HTATIP2: variants seen among roughly 807,000 people sequenced by gnomAD.
The protein encoded by HTATIP2 is HIV-1 Tat interactive protein 2, also known as protein HTATIP2.
In HTATIP2, 26 loss-of-function variants were observed where a neutral mutation model predicts 24.7. The ratio of observed to expected loss-of-function variants is 1.05; its 90% CI spans 0.77 to 1.46. HTATIP2 has a LOEUF of 1.46. Among genes scored for constraint, HTATIP2 ranks in the 40% most tolerant of loss-of-function variants. The pLI is 0.00. For missense variants in HTATIP2, 284 were observed against 289.6 expected (o/e 0.98, Z 0.14); for synonymous variants, 99 against 113.2 (o/e 0.87, Z 0.79).
chr11:20,382,415 G>T (rs1265673477), intron 4 of HTATIP2, among the ~76,000 whole-genome samples, 176 bp downstream of exon 4: 1 of 152,200 alleles, frequency 6.6e-6, no homozygotes, highest in African/African-American at 2.4e-5. Context: ...AGGGTAGATG[G>T]TGGGGCCTGC....
At chr11:20,367,696 A>T (rs1320463347) in intron 2 of HTATIP2, 1 of 1,106,990 alleles carries the variant, frequency 9.0e-7, no homozygotes, top group African/African-American at 1.6e-5. Context: ...ACTTATTTTC[A>T]TGTCAAGCTT....
At chr11:20,372,151 G>C (rs2133270035) in intron 2 of HTATIP2, among the ~76,000 whole-genome samples, 1 of 152,246 alleles carries the variant, frequency 6.6e-6, no homozygotes. Context: ...GTCTCACTGT[G>C]TTGCCAAGGC....
At position 20,369,915 on chromosome 11, in the gene HTATIP2, C is replaced by G. The variant is rs79599287; in HGVS notation, c.303+2634C>G. 9.9e-4 allele frequency among the ~76,000 whole-genome samples: 151 copies of G among 152,330 alleles called. 4 individuals are homozygous for G. In the East Asian group the frequency reaches 0.027, roughly 27 times the overall value. On this transcript the variant is annotated intron_variant, in intron 2 of 4. Transcript: ENST00000451739. ...TTCTAGGAAAAGGTCTATTAGCTTTCCTCAGCTGTTTGGAAGACTATTTCC... is the reference window on the plus strand; with the variant it reads ...TTCTAGGAAAAGGTCTATTAGCTTTGCTCAGCTGTTTGGAAGACTATTTCC...
intron 2 of HTATIP2, 151 bp downstream of exon 2, chr11:20,367,432 G>A (rs376742608): frequency 8.5e-6 from 13 of 1,533,462 alleles, no homozygotes; most frequent in African/African-American, 1.4e-5. Context: ...CTAACCTTTG[G>A]TATCCTTTTA....
chr11:20,367,133 T>C (rs760442234), intron 1 of HTATIP2, 41 bp from the exon 2 acceptor site: 20 of 1,606,820 alleles, frequency 1.2e-5, no homozygotes, highest in Non-Finnish European at 1.7e-5. Context: ...GGTCTGTTGT[T>C]TAAATAACAT....
intron 1 of HTATIP2, 85 bp downstream of exon 1, chr11:20,364,517 T>A: frequency 8.4e-7 from 1 of 1,196,510 alleles, no homozygotes; most frequent in South Asian, 1.5e-5. Context: ...AATACTGCCC[T>A]GCCAGTGGTG....
chr11:20,375,910 C>A (rs16906132), intron 2 of HTATIP2: 21,877 of 152,128 alleles, frequency 0.14, 2,897 homozygotes, highest in African/African-American at 0.34. Context: ...CTTTCATTGG[C>A]GTTTTGTTCA....
chr11:20,380,181 T>C (rs1183400534), intron 3 of HTATIP2, among the ~76,000 whole-genome samples: 2 of 152,276 alleles, frequency 1.3e-5, no homozygotes, highest in East Asian at 3.9e-4. Context: ...ATAAACCACA[T>C]TGTTTGTACA....
At position 20,382,212 on chromosome 11, in the gene HTATIP2, T is replaced by G. The variant is rs746535821; in HGVS notation, c.476T>G (p.Phe159Cys). ...GAAGCCAAGGTTGAAGAATTAAAAT[T>G]TGATCGTTACTCTGTATTTAGGCCT... ...EVEAKVEELK[F>C]DRYSVFRPGV... The change falls in exon 4 of 5, where the codon TTT becomes TGT. Residue 159 changes from phenylalanine (F) to cysteine (C), a missense_variant. By Grantham distance (205) the Phe-to-Cys change is radical. Coordinates refer to ENST00000451739, the MANE Select transcript of HTATIP2 (RefSeq NM_001098522.2). 3.8e-6 allele frequency: 6 copies of G among 1,593,396 alleles called. No homozygotes were observed. Among genetic ancestry groups the G allele is most frequent in the Middle Eastern group, 1.7e-4 (1 of 6,052 alleles).
Position 20,383,279 on chromosome 11 carries a change from A to T in HTATIP2, c.*74A>T. ...AATCGGTAATTTCAGGGTCTAAAAAAAGTCAGCATGTTTTAACTTTGTTGT... is the reference window on the plus strand; with the variant it reads ...AATCGGTAATTTCAGGGTCTAAAAATAGTCAGCATGTTTTAACTTTGTTGT... On this transcript the variant is annotated 3_prime_UTR_variant, in exon 5 of 5. Transcript: ENST00000451739. The T allele has an allele frequency of 8.9e-7, 1 of 1,125,814 alleles. No homozygotes were observed. Among genetic ancestry groups the T allele is most frequent in the Non-Finnish European group, 1.3e-6 (1 of 780,630 alleles). 69.7% of individuals were successfully genotyped at this position (1,125,814 alleles called of 1,614,324 possible). A position where few individuals can be genotyped will look rare whatever the true frequency, so the allele number is the denominator to read the frequency against.
At chr11:20,377,604 C>T (rs1375638429) in intron 3 of HTATIP2, among the ~76,000 whole-genome samples, 4 of 152,188 alleles carry the variant, frequency 2.6e-5, no homozygotes, top group Admixed American at 2.0e-4. Context: ...CCACAGAGGT[C>T]ATTCAGCCAT....
chr11:20,379,757 C>T (rs1182510456), intron 3 of HTATIP2, among the ~76,000 whole-genome samples: 2 of 152,132 alleles, frequency 1.3e-5, no homozygotes, highest in African/African-American at 4.8e-5. Flanking sequence ...ACTTTCCAGA[C>T]ATGTGACATT....
At chr11:20,365,162 T>G (rs1352257613) in intron 1 of HTATIP2, among the ~76,000 whole-genome samples, 1 of 152,084 alleles carries the variant, frequency 6.6e-6, no homozygotes, top group Non-Finnish European at 1.5e-5. Flanking sequence ...TTTTGTATTT[T>G]TAGTAGAGAC....
intron 2 of HTATIP2, among the ~76,000 whole-genome samples, chr11:20,371,131 C>G (rs933523319): frequency 1.3e-5 from 2 of 152,146 alleles, no homozygotes; most frequent in Non-Finnish European, 2.9e-5. Flanking sequence ...ATAGTTGCAA[C>G]AGAGGCCTGC....
Position 20,364,276 on chromosome 11 carries a change from C to T in HTATIP2, c.39C>T (p.Asp13=). 1 of 1,612,784 alleles carries T rather than the reference C, an allele frequency of 6.2e-7. No homozygotes were observed. Among genetic ancestry groups the T allele is most frequent in the Non-Finnish European group, 8.5e-7 (1 of 1,178,912 alleles). The change falls in exon 1 of 5, where the codon GAC becomes GAT. Residue 13 remains aspartate, a synonymous_variant. Transcript: ENST00000451739. ...AAGCCCTGTCGAAGCTTCGGGAAGACTTCAGGATGCAGAATAAATCCGTCT... is the reference window on the plus strand; with the variant it reads ...AAGCCCTGTCGAAGCTTCGGGAAGATTTCAGGATGCAGAATAAATCCGTCT... ...ETEALSKLRE[D]FRMQNKSVFI...
intron 4 of HTATIP2, 37 bp from the exon 5 acceptor site, chr11:20,382,943 T>G (rs1200862278): frequency 6.6e-7 from 1 of 1,511,112 alleles, no homozygotes; most frequent in Non-Finnish European, 8.9e-7. Flanking sequence ...CACCTCTTCC[T>G]CTGCTTTTCT....
In HTATIP2 at chr11:20,383,422, AG is replaced by A; in HGVS notation, c.*218del. On this transcript the variant is annotated 3_prime_UTR_variant, in exon 5 of 5. Coordinates refer to ENST00000451739, the MANE Select transcript of HTATIP2 (RefSeq NM_001098522.2). ...AGCTTTGGAAAAATAAAGATTTGTC[AG>A]CCCTATCTCAAACTTGAATCAAAAT... is the stretch of plus-strand genomic sequence containing the variant. 1 of 511,766 alleles carries A rather than the reference AG, an allele frequency of 2.0e-6. No homozygotes were observed. The highest frequency in any genetic ancestry group is 3.0e-5 in the South Asian group (1 of 33,868). 31.7% of individuals were successfully genotyped at this position (511,766 alleles called of 1,614,324 possible). A position where few individuals can be genotyped will look rare whatever the true frequency, so the allele number is the denominator to read the frequency against.
At chr11:20,379,308 T>A (rs1280203781) in intron 3 of HTATIP2, among the ~76,000 whole-genome samples, 3 of 152,220 alleles carry the variant, frequency 2.0e-5, no homozygotes, top group Admixed American at 1.3e-4. Context: ...AGCCTGGGAT[T>A]ATGAATTAGA....
At chr11:20,380,492 G>A (rs1435079255) in intron 3 of HTATIP2, among the ~76,000 whole-genome samples, 5 of 152,070 alleles carry the variant, frequency 3.3e-5, no homozygotes, top group Non-Finnish European at 7.4e-5. Context: ...CTAACACGGT[G>A]AAACCCCGTC....
Sources: gnomAD v4.1 joint callset for allele counts (sites outside exome capture counted in the v4.1 genomes callset) on GRCh38, gnomAD v4.1.1 for gene constraint, MANE v1.5 for transcripts, NCBI Gene and HGNC (gene_info 2026-07-23, HGNC 2026-07-21) for gene names.